Variants in MYO1H observed in about 807,000 individuals in gnomAD.
MYO1H encodes unconventional myosin-Ih.
In MYO1H, 118 loss-of-function variants were observed where a neutral mutation model predicts 149.3. That is an observed-to-expected ratio of 0.79 (90% CI 0.68 to 0.92). The LOEUF is 0.92. MYO1H is among the 40% of genes least tolerant of loss of function. The probability of loss-of-function intolerance (pLI) is 0.00; values close to 1 mark genes in which losing one functional copy is unlikely to be tolerated. For missense variants in MYO1H, 1,212 were observed against 1,280.7 expected (o/e 0.95, Z 0.82); for synonymous variants, 447 against 465.2 (o/e 0.96, Z 0.50).
Position 109,443,353 on chromosome 12 carries a change from TATACACACACAC to T in MYO1H, c.2689-159_2689-148del, listed in dbSNP as rs1340080681. Among the ~76,000 whole-genome samples, 5 of 91,958 alleles carry T rather than the reference TATACACACACAC, an allele frequency of 5.4e-5. 1 individual carries two copies. Among genetic ancestry groups the T allele is most frequent in the African/African-American group, 1.6e-4 (3 of 19,232 alleles). The allele number at this position is 91,958 out of a possible 152,430, so 60.3% of individuals were successfully genotyped here. On this transcript the variant is annotated intron_variant, in intron 27 of 31. Coordinates refer to ENST00000310903, the Ensembl canonical transcript of MYO1H. ...GTATGTGTACGTATATATGTGTGTA[TATACACACACAC>T]ACACACACACACACACACACACACA...
upstream of MYO1H, among the ~76,000 whole-genome samples, chr12:109,345,405 A>G (rs1334499909): frequency 1.3e-5 from 2 of 152,208 alleles, no homozygotes; most frequent in Admixed American, 6.5e-5. Context: ...CCACAATGAG[A>G]TACCACTGCA....
chr12:109,388,720 T>C (rs1869497184), exon 2 of MYO1H: 1 of 1,606,096 alleles, frequency 6.2e-7, no homozygotes, highest in Non-Finnish European at 8.5e-7. Flanking sequence ...CGTCTGCACA[T>C]GGAAGGGGCG....
At chr12:109,321,273 C>T in the MYO1H span, among the ~76,000 whole-genome samples, 1 of 152,080 alleles carries the variant, frequency 6.6e-6, no homozygotes, top group African/African-American at 2.4e-5. Flanking sequence ...AATACTGAGG[C>T]CAGGCATGGT....
At chr12:109,410,615 A>T in intron 12 of MYO1H, 73 bp from the exon 13 acceptor site, 2 of 956,698 alleles carry the variant, frequency 2.1e-6, no homozygotes, top group Non-Finnish European at 3.2e-6. Flanking sequence ...ATGTTTTAGA[A>T]AACCAATTTA....
At chr12:109,397,773 C>T (rs776000983) in exon 5 of MYO1H, 1 of 1,612,204 alleles carries the variant, frequency 6.2e-7, no homozygotes, top group Non-Finnish European at 8.5e-7. Context: ...ACAACTCCAG[C>T]AGATTTGGGA....
At chr12:109,433,975 G>C (rs1245624429) in intron 20 of MYO1H, among the ~76,000 whole-genome samples, 2 of 152,122 alleles carry the variant, frequency 1.3e-5, no homozygotes, top group African/African-American at 4.8e-5. Flanking sequence ...TGTGAGGTCA[G>C]TATTTGTAAC....
In MYO1H at chr12:109,367,795, G is replaced by A. The variant is rs554943280; in HGVS notation, c.12+19823G>A. Among the ~76,000 whole-genome samples the A allele has an allele frequency of 7.2e-5, 11 of 152,108 alleles. No individual in the cohort carries two copies. The East Asian group carries it at 7.7e-4, about 11-fold the overall frequency. ...TCTCGATCTCCTGACCTCATGATCC[G>A]CTCGCCTCCGCCTCCCAAAGTGCTG... is the stretch of plus-strand genomic sequence containing the variant. On this transcript the variant is annotated intron_variant, in intron 1 of 31. Transcript: ENST00000310903.
upstream of MYO1H, among the ~76,000 whole-genome samples, chr12:109,345,990 G>A (rs527899491): frequency 6.6e-6 from 1 of 152,208 alleles, no homozygotes; most frequent in South Asian, 2.1e-4. Flanking sequence ...TTCTTTTGGG[G>A]GTCATGAAAA....
intron 19 of MYO1H, among the ~76,000 whole-genome samples, chr12:109,431,845 C>A (rs756539202): frequency 5.3e-5 from 8 of 151,996 alleles, no homozygotes; most frequent in Non-Finnish European, 7.4e-5. Context: ...TTTCTCTTCT[C>A]TACTCTTTCT....
chr12:109,406,156 G>T (rs766638346), intron 8 of MYO1H, 121 bp downstream of exon 8: 140 of 668,318 alleles, frequency 2.1e-4, no homozygotes, highest in Non-Finnish European at 3.3e-4. Flanking sequence ...GCTGATATTG[G>T]TTAGGAGGTT....
intron 16 of MYO1H, among the ~76,000 whole-genome samples, 169 bp from the exon 17 acceptor site, chr12:109,424,579 G>T (rs754718405): frequency 6.6e-6 from 1 of 152,232 alleles, no homozygotes; most frequent in Non-Finnish European, 1.5e-5. Context: ...TGTGAACATG[G>T]CCTTCCATAT....
rs1269932558 is a variant in MYO1H at position 109,443,040 on chromosome 12, G to GTATACACATATA, written c.2689-473_2689-472insATACACATATAT. 7.0e-4 allele frequency among the ~76,000 whole-genome samples: 30 copies of GTATACACATATA among 42,734 alleles called. 8 individuals carry two copies. Among genetic ancestry groups the GTATACACATATA allele is most frequent in the African/African-American group, 2.0e-3 (26 of 13,130 alleles). 28.0% of individuals were successfully genotyped at this position (42,734 alleles called of 152,430 possible). A position where few individuals can be genotyped will look rare whatever the true frequency, so the allele number is the denominator to read the frequency against. ...TATATATATATATATGTGTGTGTGT[G>GTATACACATATA]TGTGTGTATATATGTGTACGTATGT... is the stretch of plus-strand genomic sequence containing the variant. On this transcript the variant is annotated intron_variant, in intron 27 of 31. Transcript: ENST00000310903.
exon 26 of MYO1H, chr12:109,441,656 G>C: frequency 6.2e-7 from 1 of 1,613,358 alleles, no homozygotes; most frequent in Non-Finnish European, 8.5e-7. Flanking sequence ...TCAGGGGAAG[G>C]AAAGACGGCT....
intron 17 of MYO1H, among the ~76,000 whole-genome samples, chr12:109,425,716 C>T (rs1285594505): frequency 6.6e-6 from 1 of 152,176 alleles, no homozygotes; most frequent in African/African-American, 2.4e-5. Context: ...GTGAGGCATC[C>T]TAGACAGATG....
the MYO1H span, among the ~76,000 whole-genome samples, chr12:109,311,246 G>T: frequency 6.6e-6 from 1 of 152,168 alleles, no homozygotes; most frequent in Non-Finnish European, 1.5e-5. Flanking sequence ...GAAAAGAAAA[G>T]CAAGAATCCT....
intron 25 of MYO1H, 35 bp from the exon 26 acceptor site, chr12:109,441,580 C>CTA: frequency 6.8e-7 from 1 of 1,478,916 alleles, no homozygotes; most frequent in Non-Finnish European, 9.3e-7. Flanking sequence ...AAGCCTGTGG[C>CTA]TACCATTTTT....
chr12:109,379,718 G>T (rs986021335), intron 1 of MYO1H, among the ~76,000 whole-genome samples: 4 of 146,512 alleles, frequency 2.7e-5, no homozygotes, highest in African/African-American at 5.0e-5. Context: ...AACTGTTTTA[G>T]CAATTTTAAC....
chr12:109,377,298 T>G (rs983307), intron 1 of MYO1H, among the ~76,000 whole-genome samples: 82,609 of 152,042 alleles, frequency 0.54, 23,651 homozygotes, highest in African/African-American at 0.72. Context: ...TCTGCACGTG[T>G]TGAGGGCCTC....
chr12:109,357,528 T>C (rs1868635910), intron 1 of MYO1H, among the ~76,000 whole-genome samples: 1 of 152,242 alleles, frequency 6.6e-6, no homozygotes, highest in Admixed American at 6.5e-5. Flanking sequence ...CACCTCTTTG[T>C]AGCATAAAAG....
Sources: allele counts gnomAD v4.1 joint callset (sites outside exome capture counted in the v4.1 genomes callset), GRCh38; gene constraint gnomAD v4.1.1; transcripts MANE v1.5; gene names NCBI Gene and HGNC (gene_info 2026-07-23, HGNC 2026-07-21).